The following RMST variants were observed in gnomAD, a reference collection of about 807,000 sequenced individuals.
RMST encodes the protein long intergenic non-protein coding RNA 54.
intron 11 of RMST, among the ~76,000 whole-genome samples, chr12:97,548,750 G>A (rs1225150389): frequency 3.3e-5 from 5 of 151,774 alleles, no homozygotes; most frequent in Non-Finnish European, 1.5e-5. Flanking sequence ...AGGTTTTTTT[G>A]TAAAATCTTT....
At chr12:97,499,731 C>T (rs1199764064) in intron 10 of RMST, among the ~76,000 whole-genome samples, 1 of 145,090 alleles carries the variant, frequency 6.9e-6, no homozygotes, top group Non-Finnish European at 1.5e-5. Context: ...ACGATCTTTG[C>T]TCACTGCAGC....
intron 10 of RMST, among the ~76,000 whole-genome samples, chr12:97,509,897 CTG>C (rs1879102847): frequency 6.6e-6 from 1 of 152,136 alleles, no homozygotes; most frequent in Non-Finnish European, 1.5e-5. Flanking sequence ...TTTTATTTCA[CTG>C]TGTTAAAATT....
chr12:97,564,967 A>G (rs1054842886), exon 14 of RMST: 1 of 152,140 alleles, frequency 6.6e-6, no homozygotes, highest in African/African-American at 2.4e-5. Flanking sequence ...TTGACTATTT[A>G]CCTCTGCTCA....
At chr12:97,507,266 TTG>T (rs201437849) in intron 10 of RMST, among the ~76,000 whole-genome samples, 10,179 of 145,460 alleles carry the variant, frequency 0.07, 581 homozygotes, top group African/African-American at 0.16. Context: ...TGTTTTTTTT[TTG>T]TTTTTGTCTT....
intron 10 of RMST, among the ~76,000 whole-genome samples, chr12:97,508,359 A>G (rs948578844): frequency 6.6e-6 from 1 of 152,210 alleles, no homozygotes; most frequent in African/African-American, 2.4e-5. Flanking sequence ...AGTGCTGTGG[A>G]GAGAAAAATG....
At chr12:97,545,683 G>A (rs1277054735) in intron 11 of RMST, among the ~76,000 whole-genome samples, 2 of 152,018 alleles carry the variant, frequency 1.3e-5, no homozygotes, top group Non-Finnish European at 2.9e-5. Flanking sequence ...ATAGGGCTAG[G>A]GATATTTGCG....
chr12:97,528,185 A>G (rs1592746334), intron 10 of RMST, among the ~76,000 whole-genome samples: 1 of 152,288 alleles, frequency 6.6e-6, no homozygotes, highest in South Asian at 2.1e-4. Context: ...CTAATTCTAC[A>G]AAACATATTT....
chr12:97,528,010 C>T (rs1274578462), intron 10 of RMST, among the ~76,000 whole-genome samples: 1 of 151,898 alleles, frequency 6.6e-6, no homozygotes, highest in Non-Finnish European at 1.5e-5. Context: ...GAAAATATGC[C>T]GAGTTTTATA....
intron 5 of RMST, among the ~76,000 whole-genome samples, chr12:97,480,911 C>T (rs558141450): frequency 6.7e-4 from 102 of 152,256 alleles, no homozygotes; most frequent in African/African-American, 1.8e-3. Flanking sequence ...TCCCAACTAT[C>T]CTTAGCCTTA....
At chr12:97,509,518 TG>T (rs1044489232) in intron 10 of RMST, among the ~76,000 whole-genome samples, 1 of 152,146 alleles carries the variant, frequency 6.6e-6, no homozygotes, top group African/African-American at 2.4e-5. Context: ...CAGCCTGCCT[TG>T]TAGGGGAAGT....
intron 11 of RMST, chr12:97,552,332 G>A (rs1348130885): frequency 2.0e-5 from 3 of 152,152 alleles, no homozygotes; most frequent in Non-Finnish European, 4.4e-5. Flanking sequence ...TATTTAAAAA[G>A]TGAAATAAAA....
intron 5 of RMST, among the ~76,000 whole-genome samples, chr12:97,470,437 G>A (rs1873777470): frequency 1.3e-5 from 2 of 152,008 alleles, no homozygotes; most frequent in South Asian, 4.1e-4. Context: ...AAAAAGGAGA[G>A]GAGGGGAGGG....
intron 10 of RMST, among the ~76,000 whole-genome samples, chr12:97,498,473 A>T (rs1877710607): frequency 6.6e-6 from 1 of 152,216 alleles, no homozygotes; most frequent in African/African-American, 2.4e-5. Flanking sequence ...GATAATGAGT[A>T]TAAAGCCTAT....
intron 11 of RMST, among the ~76,000 whole-genome samples, chr12:97,555,949 C>CA: frequency 6.6e-6 from 1 of 152,320 alleles, no homozygotes; most frequent in Middle Eastern, 3.4e-3. Context: ...TCCCAGCATC[C>CA]ATTCGGCACA....
At chr12:97,536,996 C>T (rs904455689) in intron 11 of RMST, among the ~76,000 whole-genome samples, 1 of 151,224 alleles carries the variant, frequency 6.6e-6, no homozygotes, top group African/African-American at 2.4e-5. Context: ...GGAAAAACAA[C>T]TTAGAGTCTT....
intron 10 of RMST, among the ~76,000 whole-genome samples, chr12:97,506,009 G>T (rs1214415978): frequency 1.3e-5 from 2 of 152,038 alleles, no homozygotes; most frequent in Non-Finnish European, 2.9e-5. Context: ...TATAAATGAG[G>T]TCAATTAATT....
chr12:97,547,335 A>G (rs893843327), intron 11 of RMST, among the ~76,000 whole-genome samples: 1 of 152,018 alleles, frequency 6.6e-6, no homozygotes, highest in Non-Finnish European at 1.5e-5. Flanking sequence ...GAATAATGCT[A>G]CAATGAACAT....
At chr12:97,479,115 G>A (rs965355338) in intron 5 of RMST, among the ~76,000 whole-genome samples, 4 of 144,912 alleles carry the variant, frequency 2.8e-5, no homozygotes, top group African/African-American at 7.8e-5. Flanking sequence ...CTGTACTTTG[G>A]GTGTTTCCTT....
intron 13 of RMST, chr12:97,563,596 A>C (rs1231566980): frequency 2.9e-6 from 1 of 339,712 alleles, no homozygotes; most frequent in African/African-American, 2.2e-5. Flanking sequence ...TCAATGGCTG[A>C]ATGTTGCTGA....
Sources: allele counts gnomAD v4.1 joint callset (sites outside exome capture counted in the v4.1 genomes callset), GRCh38; gene constraint gnomAD v4.1.1; transcripts MANE v1.5; gene names NCBI Gene and HGNC (gene_info 2026-07-23, HGNC 2026-07-21).